The following PTPRG variants were observed in gnomAD, a reference collection of about 807,000 sequenced individuals.
PTPRG encodes protein tyrosine phosphatase receptor type G.
PTPRG carries 102 observed loss-of-function variants against 165.3 expected under a neutral mutation model. That is an observed-to-expected ratio of 0.62 (90% CI 0.53 to 0.73). The LOEUF (loss-of-function observed/expected upper bound fraction) is 0.73. Ranked by LOEUF, PTPRG falls within the 30% of genes least tolerant of loss-of-function variation. PTPRG has a pLI of 0.00. For missense variants in PTPRG, 1,866 were observed against 1,861.4 expected (o/e 1.00, Z -0.05); for synonymous variants, 675 against 669.5 (o/e 1.01, Z -0.13).
chr3:61,983,234 G>T (rs1437516217), intron 2 of PTPRG, among the ~76,000 whole-genome samples: 1 of 152,066 alleles, frequency 6.6e-6, no homozygotes, highest in Non-Finnish European at 1.5e-5. Flanking sequence ...GAATGCAAAA[G>T]AATTGTAATC....
intron 8 of PTPRG, among the ~76,000 whole-genome samples, chr3:62,182,838 G>A (rs1705713854): frequency 6.6e-6 from 1 of 152,102 alleles, no homozygotes; most frequent in Admixed American, 6.5e-5. Context: ...TGTATATTTA[G>A]TAGAGACGGG....
At chr3:61,958,693 C>G (rs2040087253) in intron 2 of PTPRG, among the ~76,000 whole-genome samples, 1 of 152,160 alleles carries the variant, frequency 6.6e-6, no homozygotes, top group African/African-American at 2.4e-5. Flanking sequence ...CAAAGGTAGA[C>G]ATTGAATCTT....
Position 61,653,896 on chromosome 3 carries a change from C to CGGG in PTPRG, c.85+91526_85+91527insGGG, listed in dbSNP as rs61562709. Among the ~76,000 whole-genome samples, 182 of 20,888 alleles carry CGGG rather than the reference C, an allele frequency of 8.7e-3. 7 individuals are homozygous for CGGG. Among genetic ancestry groups the CGGG allele is most frequent in the African/African-American group, 0.028 (156 of 5,666 alleles). 13.7% of individuals were successfully genotyped at this position (20,888 alleles called of 152,430 possible). ...TGTGTGCAGGTTGTTAAGCGGGGAG[C>CGGG]GGTGGGGGGCGCGGGGAACTGTAAG... On this transcript the variant is annotated intron_variant, in intron 1 of 29. Coordinates refer to ENST00000474889, the MANE Select transcript of PTPRG (RefSeq NM_002841.4).
intron 5 of PTPRG, among the ~76,000 whole-genome samples, chr3:62,087,397 ACCT>A (rs1326886868): frequency 6.6e-6 from 1 of 152,208 alleles, no homozygotes; most frequent in Admixed American, 6.5e-5. Flanking sequence ...AACCGTTCTT[ACCT>A]CTCTTTCCTC....
chr3:61,646,677 A>C (rs1053417095), intron 1 of PTPRG, among the ~76,000 whole-genome samples: 2 of 152,128 alleles, frequency 1.3e-5, no homozygotes, highest in East Asian at 3.8e-4. Flanking sequence ...TGTGGTGTGT[A>C]TGTGTATGTA....
At chr3:62,148,299 AG>A (rs1704197768) in intron 6 of PTPRG, among the ~76,000 whole-genome samples, 1 of 152,160 alleles carries the variant, frequency 6.6e-6, no homozygotes, top group South Asian at 2.1e-4. Flanking sequence ...GTGAGGAGGC[AG>A]GTAGGTGGTC....
intron 2 of PTPRG, among the ~76,000 whole-genome samples, chr3:61,886,382 CT>C (rs1252039321): frequency 2.0e-5 from 3 of 152,254 alleles, no homozygotes; most frequent in Non-Finnish European, 1.5e-5. Flanking sequence ...AGTTCATTTA[CT>C]TACCTATATT....
chr3:61,755,841 C>G (rs1454518223), intron 2 of PTPRG, among the ~76,000 whole-genome samples: 1 of 152,146 alleles, frequency 6.6e-6, no homozygotes, highest in African/African-American at 2.4e-5. Flanking sequence ...GAACTTCTTT[C>G]TAAGGATGAT....
chr3:61,655,700 G>A (rs1028121507), intron 1 of PTPRG, among the ~76,000 whole-genome samples: 32 of 152,148 alleles, frequency 2.1e-4, no homozygotes, highest in African/African-American at 7.0e-4. Context: ...CTCACTCCTG[G>A]GCTCAAGTGA....
At chr3:61,870,479 T>A (rs2037535985) in intron 2 of PTPRG, among the ~76,000 whole-genome samples, 1 of 104,436 alleles carries the variant, frequency 9.6e-6, no homozygotes, top group East Asian at 3.5e-4. Context: ...CACCTAGCTT[T>A]TTTTTTTTTT....
intron 2 of PTPRG, among the ~76,000 whole-genome samples, chr3:61,807,950 G>T (rs1049274082): frequency 6.6e-6 from 1 of 152,266 alleles, no homozygotes; most frequent in Non-Finnish European, 1.5e-5. Context: ...CTCGCAGACC[G>T]GGGCATCCAG....
chr3:61,610,938 C>T (rs1701151536), intron 1 of PTPRG, among the ~76,000 whole-genome samples: 1 of 152,126 alleles, frequency 6.6e-6, no homozygotes, highest in African/African-American at 2.4e-5. Flanking sequence ...TCCCAAGTAG[C>T]TGTCACTACA....
intron 2 of PTPRG, among the ~76,000 whole-genome samples, chr3:61,863,409 T>C (rs1319952514): frequency 6.6e-6 from 1 of 152,060 alleles, no homozygotes; most frequent in Non-Finnish European, 1.5e-5. Context: ...TAGTATTAGA[T>C]AGGGAAAAAA....
intron 5 of PTPRG, among the ~76,000 whole-genome samples, chr3:62,094,595 G>T (rs532008322): frequency 1.3e-5 from 2 of 152,160 alleles, no homozygotes; most frequent in Non-Finnish European, 2.9e-5. Flanking sequence ...TGGTCCCATT[G>T]CTTCAGTAAA....
chr3:61,770,573 A>G (rs1043971199), intron 2 of PTPRG: 6 of 152,136 alleles, frequency 3.9e-5, no homozygotes, highest in Non-Finnish European at 8.8e-5. Context: ...TCAACTTTGC[A>G]TATACTTTTT....
At position 61,705,828 on chromosome 3, in the gene PTPRG, C is replaced by A. The variant is rs868051118; in HGVS notation, c.86-43050C>A. ...TGCTTGAGCAGAGGCCGTGAGGTGC[C>A]CTCTTCAATGGCACCCATCTTCAAT... On this transcript the variant is annotated intron_variant, in intron 1 of 29. Coordinates refer to ENST00000474889, the MANE Select transcript of PTPRG (RefSeq NM_002841.4). Among the ~76,000 whole-genome samples the A allele has an allele frequency of 2.6e-5, 4 of 152,242 alleles. No individual in the cohort carries two copies. In the South Asian group the frequency reaches 8.3e-4, roughly 32 times the overall value.
At chr3:61,793,219 T>C (rs1202141423) in intron 2 of PTPRG, among the ~76,000 whole-genome samples, 1 of 152,116 alleles carries the variant, frequency 6.6e-6, no homozygotes, top group Admixed American at 6.6e-5. Context: ...GTGACCAGAA[T>C]GGGAGTGGAC....
In PTPRG at chr3:62,222,883, T is replaced by C. The variant is rs1342361701; in HGVS notation, c.2288+3900T>C. ...CCATTGGAAGAGGCAGATGAGTAAA[T>C]AGAATTGAGTATGGGGAGTATTTGG... On this transcript the variant is annotated intron_variant, in intron 13 of 29. Transcript: ENST00000474889. The surrounding 1 kb of genome is among the most constrained non-coding windows in gnomAD (Gnocchi z 4.5). Among the ~76,000 whole-genome samples, 8 of 151,872 alleles carry C rather than the reference T, an allele frequency of 5.3e-5. No homozygotes were observed. Among genetic ancestry groups the C allele is most frequent in the African/African-American group, 1.7e-4 (7 of 41,322 alleles).
At chr3:62,243,762 T>G in intron 14 of PTPRG, 45 bp from the exon 15 acceptor site, 1 of 1,220,270 alleles carries the variant, frequency 8.2e-7, no homozygotes, top group Non-Finnish European at 1.2e-6. Context: ...TGAACTCAAA[T>G]AAAGTATATT....
Sources: gnomAD v4.1 joint callset for allele counts (sites outside exome capture counted in the v4.1 genomes callset) on GRCh38, gnomAD v4.1.1 for gene constraint, Gnocchi (gnomAD v3.1) non-coding constraint, MANE v1.5 for transcripts, NCBI Gene and HGNC (gene_info 2026-07-23, HGNC 2026-07-21) for gene names.